Variants in VPS13B observed in about 807,000 individuals in gnomAD.
The protein encoded by VPS13B is intermembrane lipid transfer protein VPS13B.
Under a neutral mutation model 426.4 loss-of-function variants are expected in VPS13B, and 285 were observed. The ratio of observed to expected loss-of-function variants is 0.67; its 90% confidence interval spans 0.61 to 0.74. VPS13B has a LOEUF of 0.74. Among genes scored for constraint, VPS13B ranks in the 30% least tolerant of loss-of-function variants. The probability of loss-of-function intolerance (pLI) is 0.00; values close to 1 mark genes in which losing one functional copy is unlikely to be tolerated. For missense variants in VPS13B, 4,537 were observed against 4,782.6 expected (o/e 0.95, Z 1.51); for synonymous variants, 1,676 against 1,676.4 (o/e 1.00, Z 0.01).
chr8:99,704,885 C>G (rs370570022), intron 36 of VPS13B, among the ~76,000 whole-genome samples: 6 of 152,238 alleles, frequency 3.9e-5, no homozygotes, highest in African/African-American at 1.4e-4. Context: ...AGGGGATTAT[C>G]TTGACAATGA....
chr8:99,129,218 T>C (rs896060568), intron 8 of VPS13B, among the ~76,000 whole-genome samples: 3 of 151,992 alleles, frequency 2.0e-5, no homozygotes, highest in Non-Finnish European at 2.9e-5. Context: ...TGAAATTCAC[T>C]GATTTAGCAT....
chr8:99,549,117 T>C (rs1445371118), intron 30 of VPS13B, among the ~76,000 whole-genome samples: 1 of 152,150 alleles, frequency 6.6e-6, no homozygotes, highest in Non-Finnish European at 1.5e-5. Context: ...GTTTTAAAGA[T>C]GCAAGAATAT....
rs1284942080 is a variant in VPS13B, at chr8:99,387,276, G to A, written c.2934+2959G>A. On this transcript the variant is annotated intron_variant, in intron 20 of 61. Transcript: ENST00000357162. ...TCTGTTGCCCAGGCTGAAGTGCAGT[G>A]CTGTGATCACAGGTCACTGCAGCCT... 3.3e-5 allele frequency among the ~76,000 whole-genome samples: 5 copies of A among 151,922 alleles called. No individual in the cohort carries two copies. The East Asian group carries it at 9.7e-4, about 30-fold the overall frequency.
chr8:99,805,058 T>C (rs1813318517), intron 43 of VPS13B, among the ~76,000 whole-genome samples: 1 of 148,456 alleles, frequency 6.7e-6, no homozygotes, highest in Non-Finnish European at 1.5e-5. Context: ...TATAAAAATA[T>C]ATTACCAGAA....
intron 28 of VPS13B, among the ~76,000 whole-genome samples, chr8:99,509,100 T>A (rs1259303005): frequency 2.0e-5 from 3 of 152,164 alleles, no homozygotes; most frequent in Non-Finnish European, 2.9e-5. Flanking sequence ...GTAGTAACCC[T>A]CTCCCCAGTT....
At chr8:99,602,085 C>T (rs903618490) in intron 33 of VPS13B, among the ~76,000 whole-genome samples, 3 of 152,148 alleles carry the variant, frequency 2.0e-5, no homozygotes, top group African/African-American at 7.2e-5. Flanking sequence ...TGCCTATGTC[C>T]TGAATGGTAT....
chr8:99,600,860 C>T (rs1827258186), intron 33 of VPS13B, among the ~76,000 whole-genome samples: 1 of 152,118 alleles, frequency 6.6e-6, no homozygotes, highest in African/African-American at 2.4e-5. Context: ...TGATTGGCAT[C>T]TCCCTGCACT....
At chr8:99,046,689 T>A (rs1414877294) in intron 3 of VPS13B, among the ~76,000 whole-genome samples, 1 of 152,222 alleles carries the variant, frequency 6.6e-6, no homozygotes, top group Non-Finnish European at 1.5e-5. Context: ...TTGTCATAGA[T>A]GGCATTTATT....
At chr8:99,017,159 A>AT (rs950801424) in intron 2 of VPS13B, among the ~76,000 whole-genome samples, 1 of 151,914 alleles carries the variant, frequency 6.6e-6, no homozygotes, top group African/African-American at 2.4e-5. Flanking sequence ...TTCATCTCAA[A>AT]TTTTTTTTCT....
At chr8:99,258,508 T>C (rs1817873382) in intron 17 of VPS13B, among the ~76,000 whole-genome samples, 1 of 152,072 alleles carries the variant, frequency 6.6e-6, no homozygotes, top group South Asian at 2.1e-4. Context: ...TTGGAAAGTT[T>C]TCCTTGCAAT....
intron 19 of VPS13B, among the ~76,000 whole-genome samples, chr8:99,289,352 G>T (rs1348084974): frequency 6.6e-6 from 1 of 152,070 alleles, no homozygotes; most frequent in Non-Finnish European, 1.5e-5. Flanking sequence ...GTATTTTTCA[G>T]TGTATCTATA....
At chr8:99,858,316 C>T (rs1257975153) in intron 56 of VPS13B, among the ~76,000 whole-genome samples, 1 of 152,354 alleles carries the variant, frequency 6.6e-6, no homozygotes, top group East Asian at 1.9e-4. Context: ...CTGCCAGACT[C>T]CACGCACAGC....
intron 6 of VPS13B, 70 bp downstream of exon 6, chr8:99,111,349 A>C: frequency 7.8e-7 from 1 of 1,279,202 alleles, no homozygotes; most frequent in Non-Finnish European, 1.1e-6. Flanking sequence ...GTGGATGCTA[A>C]TCATTATTAA....
At chr8:99,597,634 T>C (rs1405922876) in intron 33 of VPS13B, among the ~76,000 whole-genome samples, 6 of 151,954 alleles carry the variant, frequency 3.9e-5, no homozygotes, top group African/African-American at 1.5e-4. Context: ...CTTGTGACCA[T>C]GTGATGACAA....
intron 59 of VPS13B, among the ~76,000 whole-genome samples, chr8:99,870,319 C>A (rs1458691268): frequency 6.6e-6 from 1 of 152,020 alleles, no homozygotes; most frequent in Non-Finnish European, 1.5e-5. Context: ...CAGGCATGCA[C>A]CACTATTTAT....
At chr8:99,672,691 T>G (rs1250884491) in intron 35 of VPS13B, among the ~76,000 whole-genome samples, 1 of 151,886 alleles carries the variant, frequency 6.6e-6, no homozygotes, top group Non-Finnish European at 1.5e-5. Context: ...GGAATAAGAG[T>G]GGTGAGAATG....
At chr8:99,529,139 T>A (rs969683318) in intron 30 of VPS13B, among the ~76,000 whole-genome samples, 45 of 152,274 alleles carry the variant, frequency 3.0e-4, no homozygotes, top group African/African-American at 1.1e-3. Context: ...TGTTTATTTT[T>A]AAAAAATCAA....
intron 39 of VPS13B, among the ~76,000 whole-genome samples, chr8:99,743,157 T>A (rs901235907): frequency 9.9e-5 from 15 of 152,112 alleles, no homozygotes; most frequent in Non-Finnish European, 1.8e-4. Context: ...TGTGCAAAAA[T>A]CACAAGCATT....
intron 16 of VPS13B, among the ~76,000 whole-genome samples, chr8:99,191,538 C>T (rs1813593424): frequency 6.6e-6 from 1 of 151,786 alleles, no homozygotes; most frequent in South Asian, 2.1e-4. Context: ...CACATGCCAC[C>T]ACGCCCAGCT....
Sources: gnomAD v4.1 joint callset for allele counts (sites outside exome capture counted in the v4.1 genomes callset) on GRCh38, gnomAD v4.1.1 for gene constraint, MANE v1.5 for transcripts, NCBI Gene and HGNC (gene_info 2026-07-23, HGNC 2026-07-21) for gene names.